DPF2: variants seen among roughly 807,000 people sequenced by gnomAD.
The protein encoded by DPF2 is double PHD fingers 2, also known as zinc finger protein ubi-d4.
Under a neutral mutation model 59.6 loss-of-function variants are expected in DPF2, and 10 were observed. That is an observed-to-expected ratio of 0.17 (90% CI 0.10 to 0.28). The LOEUF is 0.28. Among genes scored for constraint, DPF2 ranks in the 10% least tolerant of loss-of-function variants. The pLI is 1.00. For synonymous variants in DPF2, 189 were observed against 190.6 expected (o/e 0.99, Z 0.07); for missense variants, 315 against 509.4 (o/e 0.62, Z 3.67).
intron 8 of DPF2, 51 bp from the exon 9 acceptor site, chr11:65,346,196 T>C (rs1854522847): frequency 1.2e-6 from 2 of 1,603,356 alleles, no homozygotes; most frequent in Non-Finnish European, 1.7e-6. Flanking sequence ...GGAGCTCCTC[T>C]CTTCCCCCCG....
chr11:65,336,246 CTT>C (rs750164255), intron 1 of DPF2, among the ~76,000 whole-genome samples: 1 of 152,082 alleles, frequency 6.6e-6, no homozygotes. Context: ...AATCCCAACA[CTT>C]TGGGAGGTTG....
chr11:65,343,730 C>T lies in DPF2; in HGVS notation c.466-15C>T. On this transcript the variant is annotated splice_polypyrimidine_tract_variant and intron_variant, in intron 4 of 10. Coordinates refer to ENST00000528416, the MANE Select transcript of DPF2 (RefSeq NM_006268.5). ...GCACATATTTCTACCCATGCTAACC[C>T]TCCTGTCCACTCAGCGGATCCTAGA... The T allele has an allele frequency of 3.2e-6, 5 of 1,581,834 alleles. No homozygotes were observed. Among genetic ancestry groups the T allele is most frequent in the Non-Finnish European group, 4.3e-6 (5 of 1,164,050 alleles).
chr11:65,339,309 C>G (rs984636622), intron 1 of DPF2, among the ~76,000 whole-genome samples: 1 of 151,792 alleles, frequency 6.6e-6, no homozygotes, highest in African/African-American at 2.4e-5. Flanking sequence ...TACCAAAGTC[C>G]TTGTTAAACC....
intron 1 of DPF2, among the ~76,000 whole-genome samples, chr11:65,336,845 CT>C (rs1317677101): frequency 4.7e-5 from 7 of 149,018 alleles, no homozygotes; most frequent in African/African-American, 1.7e-4. Flanking sequence ...AATCCCAGCA[CT>C]TTGGGAGGCT....
chr11:65,341,050 T>A lies in DPF2; in HGVS notation c.278T>A (p.Leu93His). ...GCCCATCCCCCTGAGGATCCACGAC[T>A]TTCCTTCCCATCTATTAAGCCAGGT... is the stretch of plus-strand genomic sequence containing the variant. Reference protein sequence around the residue: ...RRAHPPEDPRLSFPSIKPDTD... With the variant: ...RRAHPPEDPRHSFPSIKPDTD... The change falls in exon 3 of 11, where the codon CTT (leucine) becomes CAT (histidine). Residue 93 changes from leucine to histidine, a missense_variant. This residue lies in a region of DPF2 where 228 missense variants were observed against 275.3 expected (regional missense o/e 0.83). Coordinates refer to ENST00000528416, the MANE Select transcript of DPF2 (RefSeq NM_006268.5). 1.2e-6 allele frequency: 2 copies of A among 1,614,140 alleles called. No homozygotes were observed. Among genetic ancestry groups the A allele is most frequent in the Non-Finnish European group, 1.7e-6 (2 of 1,180,038 alleles).
intron 4 of DPF2, chr11:65,341,767 C>A: frequency 1.7e-6 from 1 of 592,054 alleles, no homozygotes; most frequent in Non-Finnish European, 2.9e-6. Context: ...CATTCATTCA[C>A]TTTTATCACA....
intron 1 of DPF2, among the ~76,000 whole-genome samples, 161 bp from the exon 2 acceptor site, chr11:65,340,224 C>T (rs1854321021): frequency 6.6e-6 from 1 of 152,164 alleles, no homozygotes; most frequent in Non-Finnish European, 1.5e-5. Context: ...AGAAAAGGGG[C>T]TTCGTGTCCC....
chr11:65,351,279 G>T (rs1438058701), intron 10 of DPF2, among the ~76,000 whole-genome samples: 1 of 152,082 alleles, frequency 6.6e-6, no homozygotes, highest in African/African-American at 2.4e-5. Flanking sequence ...AATAAACAAG[G>T]AATGACCCAA....
At position 65,333,858 on chromosome 11, in the gene DPF2, T is replaced by C. The variant is rs548760237; in HGVS notation, c.-29T>C. 1.2e-6 allele frequency: 2 copies of C among 1,613,648 alleles called. No homozygotes were observed. Among genetic ancestry groups the C allele is most frequent in the African/African-American group, 2.7e-5 (2 of 75,052 alleles). Reference sequence around the variant, plus strand: ...CCTGCGCGCTGCGGACTGTGGGGCTTCTCGGCCCGAGGCAGAGGAACAGGG... The same window carrying C: ...CCTGCGCGCTGCGGACTGTGGGGCTCCTCGGCCCGAGGCAGAGGAACAGGG... On this transcript the variant is annotated 5_prime_UTR_variant, in exon 1 of 11. Transcript: ENST00000528416.
At chr11:65,337,714 C>G (rs1854241334) in intron 1 of DPF2, among the ~76,000 whole-genome samples, 1 of 151,722 alleles carries the variant, frequency 6.6e-6, no homozygotes, top group Admixed American at 6.6e-5. Context: ...AATGATTCCC[C>G]TACCTCATCC....
intron 10 of DPF2, among the ~76,000 whole-genome samples, chr11:65,350,575 T>G (rs1854667091): frequency 6.9e-6 from 1 of 143,946 alleles, no homozygotes; most frequent in Admixed American, 7.0e-5. Flanking sequence ...AGAGACGGGG[T>G]TTTGCCATGG....
At chr11:65,344,214 G>A (rs1854462843) in intron 6 of DPF2, 145 bp downstream of exon 6, 3 of 815,086 alleles carry the variant, frequency 3.7e-6, no homozygotes, top group East Asian at 2.7e-5. Context: ...TTCCGTCTGA[G>A]ACCCCTGGGA....
chr11:65,345,924 C>T lies in DPF2; in HGVS notation c.776-6C>T. 6.2e-7 allele frequency: 1 copy of T among 1,614,064 alleles called. No individual in the cohort carries two copies. The highest frequency in any genetic ancestry group is 1.6e-4 in the Middle Eastern group (1 of 6,062). Reference sequence around the variant, plus strand: ...TGGGTGTCATCAAAACTCTTTCTCTCTGTAGCCAAAAAGGGTCCTGATGGA... The same window carrying T: ...TGGGTGTCATCAAAACTCTTTCTCTTTGTAGCCAAAAAGGGTCCTGATGGA... On this transcript the variant is annotated splice_region_variant and splice_polypyrimidine_tract_variant and intron_variant, in intron 7 of 10. Transcript: ENST00000528416.
intron 8 of DPF2, 24 bp downstream of exon 8, chr11:65,346,082 T>A (rs375672962): frequency 5.6e-6 from 9 of 1,613,816 alleles, no homozygotes; most frequent in Non-Finnish European, 7.6e-6. Context: ...TGAAGGCTGC[T>A]GCTTTGCCCA....
chr11:65,336,025 G>T (rs1457629256), intron 1 of DPF2, among the ~76,000 whole-genome samples: 1 of 151,442 alleles, frequency 6.6e-6, no homozygotes, highest in African/African-American at 2.4e-5. Context: ...TGTTGGCCAG[G>T]CTGGTCTTGA....
intron 4 of DPF2, among the ~76,000 whole-genome samples, chr11:65,342,734 C>T (rs563843399): frequency 4.6e-5 from 7 of 152,132 alleles, no homozygotes; most frequent in East Asian, 1.9e-4. Flanking sequence ...TCCCATGGGT[C>T]GGGCACGGTA....
chr11:65,350,810 C>T (rs1361898887), intron 10 of DPF2, among the ~76,000 whole-genome samples: 1 of 151,560 alleles, frequency 6.6e-6, no homozygotes, highest in Non-Finnish European at 1.5e-5. Context: ...AAAACCCCAT[C>T]TTTACTAAAA....
At chr11:65,334,313 C>T (rs1565523217) in intron 1 of DPF2, among the ~76,000 whole-genome samples, 1 of 152,066 alleles carries the variant, frequency 6.6e-6, no homozygotes, top group Non-Finnish European at 1.5e-5. Context: ...GCCCACCCCG[C>T]CCCGTCCCGT....
At chr11:65,341,140 A>G (rs1415433014) in intron 3 of DPF2, 67 bp downstream of exon 3, 4 of 1,523,002 alleles carry the variant, frequency 2.6e-6, no homozygotes, top group Non-Finnish European at 2.7e-6. Context: ...AATCACTGTG[A>G]TATACCAGGC....
Sources: allele counts gnomAD v4.1 joint callset (sites outside exome capture counted in the v4.1 genomes callset), GRCh38; gene constraint gnomAD v4.1.1; regional missense constraint gnomAD v4.1.1; transcripts MANE v1.5; gene names NCBI Gene and HGNC (gene_info 2026-07-23, HGNC 2026-07-21).